GRIK4: variants seen among roughly 807,000 people sequenced by gnomAD.
GRIK4 encodes glutamate receptor ionotropic, kainate 4.
GRIK4 carries 40 observed loss-of-function variants against 104.9 expected under a neutral mutation model. The ratio of observed to expected loss-of-function variants is 0.38; its 90% confidence interval spans 0.30 to 0.50. GRIK4 has a LOEUF of 0.50. GRIK4 is among the 20% of genes least tolerant of loss of function. The pLI is 0.93. For missense variants in GRIK4, 1,047 were observed against 1,308.1 expected, an observed-to-expected ratio of 0.80 and a Z score of 3.08; for synonymous variants, 485 against 524.9, an observed-to-expected ratio of 0.92 and a Z score of 1.04.
chr11:120,661,309 T>C (rs1364895255), intron 3 of GRIK4, among the ~76,000 whole-genome samples: 4 of 151,986 alleles, frequency 2.6e-5, no homozygotes, highest in African/African-American at 7.3e-5. Context: ...GAAAGGTAGG[T>C]TGATGGCCAC....
rs150199548 is a variant in GRIK4 at position 120,660,325 on chromosome 11, C to T, written c.7C>T (p.Arg3Cys). 56 of 1,612,452 alleles carry T rather than the reference C, an allele frequency of 3.5e-5. No homozygotes were observed. The highest frequency in any genetic ancestry group is 1.2e-4 in the Admixed American group (7 of 60,026). MP[R>C]VSAPLVLLPA... Reference sequence around the variant, plus strand: ...CCATGAGGATTCATAGAAGATGCCCCGCGTCTCGGCGCCTTTGGTGCTGCT... The same window carrying T: ...CCATGAGGATTCATAGAAGATGCCCTGCGTCTCGGCGCCTTTGGTGCTGCT... The change falls in exon 3 of 21, where the codon CGC (arginine) becomes TGC (cysteine). Residue 3 changes from arginine (R) to cysteine (C), a missense_variant. By Grantham distance (180) the Arg-to-Cys change is radical. Around this residue, in one of 3 missense-constraint regions of GRIK4, gnomAD observed 447 missense variants for 514.9 expected, o/e 0.87. Coordinates refer to ENST00000527524, the MANE Select transcript of GRIK4 (RefSeq NM_014619.5).
intron 8 of GRIK4, among the ~76,000 whole-genome samples, chr11:120,851,104 G>C (rs1953962932): frequency 6.6e-6 from 1 of 152,102 alleles, no homozygotes; most frequent in African/African-American, 2.4e-5. Flanking sequence ...TCTTGGCCAA[G>C]AGTTGAGATA....
chr11:120,966,751 T>C lies in GRIK4; in HGVS notation c.2267-444T>C, dbSNP rs12275983. On this transcript the variant is annotated intron_variant, in intron 18 of 20. Coordinates refer to ENST00000527524, the MANE Select transcript of GRIK4 (RefSeq NM_014619.5). ...GTGTCACAGAAACACAAACTTTGGC[T>C]TCCTGGAGGTGGATGGGATGCTTTG... Among the ~76,000 whole-genome samples the C allele has an allele frequency of 6.4e-3, 974 of 152,300 alleles. 8 individuals are homozygous for C. Among genetic ancestry groups the C allele is most frequent in the African/African-American group, 0.022 (928 of 41,564 alleles).
At chr11:120,557,646 A>G (rs1275658343) in intron 1 of GRIK4, among the ~76,000 whole-genome samples, 4 of 152,184 alleles carry the variant, frequency 2.6e-5, no homozygotes, top group Admixed American at 2.6e-4. Flanking sequence ...TCTCGTCTGA[A>G]TCTGGAAGGG....
Position 120,910,913 on chromosome 11 carries a change from A to G in GRIK4, c.1476+5420A>G, listed in dbSNP as rs140334673. Among the ~76,000 whole-genome samples, 380 of 152,358 alleles carry G rather than the reference A, an allele frequency of 2.5e-3. 2 individuals carry two copies. Among genetic ancestry groups the G allele is most frequent in the African/African-American group, 8.4e-3 (349 of 41,584 alleles). ...AAGGATGAAGAGACATTGGCCATCA[A>G]AGAAGAGACACGGAGAGAGAAGAAC... On this transcript the variant is annotated intron_variant, in intron 13 of 20. Coordinates refer to ENST00000527524, the MANE Select transcript of GRIK4 (RefSeq NM_014619.5).
At chr11:120,778,791 T>A (rs1296410042) in intron 3 of GRIK4, among the ~76,000 whole-genome samples, 1 of 152,240 alleles carries the variant, frequency 6.6e-6, no homozygotes, top group Admixed American at 6.5e-5. Context: ...CAGCTCTTTC[T>A]GCATTCTTAG....
chr11:120,848,602 C>G (rs1040032471), intron 8 of GRIK4, among the ~76,000 whole-genome samples: 44 of 152,234 alleles, frequency 2.9e-4, no homozygotes, highest in African/African-American at 9.9e-4. Flanking sequence ...TATTTGGGTC[C>G]CTTCATCTGC....
chr11:120,672,613 A>G (rs752519058), intron 3 of GRIK4, among the ~76,000 whole-genome samples: 1 of 152,120 alleles, frequency 6.6e-6, no homozygotes, highest in Non-Finnish European at 1.5e-5. Flanking sequence ...CTTGAGCAGC[A>G]GTTTGTAGTT....
intron 4 of GRIK4, among the ~76,000 whole-genome samples, chr11:120,815,001 G>A (rs1161947099): frequency 6.6e-6 from 1 of 152,218 alleles, no homozygotes; most frequent in Non-Finnish European, 1.5e-5. Flanking sequence ...TGCAGCAGCT[G>A]TGCTGGGGCT....
At chr11:120,571,353 T>C (rs904525150) in intron 1 of GRIK4, among the ~76,000 whole-genome samples, 15 of 152,146 alleles carry the variant, frequency 9.9e-5, no homozygotes, top group Non-Finnish European at 1.9e-4. Flanking sequence ...CTCTGGCTGG[T>C]TGCCTTCCAC....
chr11:120,820,055 G>C, intron 6 of GRIK4, 135 bp downstream of exon 6: 1 of 757,668 alleles, frequency 1.3e-6, no homozygotes. Flanking sequence ...TAACCAATGG[G>C]TTTGGGCATT....
intron 1 of GRIK4, among the ~76,000 whole-genome samples, chr11:120,593,639 A>G (rs1364947208): frequency 6.6e-6 from 1 of 151,952 alleles, no homozygotes; most frequent in African/African-American, 2.4e-5. Flanking sequence ...ACCTATTGCC[A>G]CACTTTCAAT....
chr11:120,970,904 A>G (rs1196680392), intron 19 of GRIK4, among the ~76,000 whole-genome samples: 1 of 152,074 alleles, frequency 6.6e-6, no homozygotes, highest in Non-Finnish European at 1.5e-5. Flanking sequence ...GGTCAAATGG[A>G]CTTCACTCCA....
intron 3 of GRIK4, among the ~76,000 whole-genome samples, chr11:120,761,831 A>G (rs1415613392): frequency 6.6e-6 from 1 of 152,208 alleles, no homozygotes; most frequent in East Asian, 1.9e-4. Flanking sequence ...TACCAGTACC[A>G]TGCTATTTTG....
chr11:120,516,758 CTT>C (rs1169148413), intron 1 of GRIK4, among the ~76,000 whole-genome samples: 1 of 152,082 alleles, frequency 6.6e-6, no homozygotes, highest in Non-Finnish European at 1.5e-5. Flanking sequence ...TCAGAGATAA[CTT>C]TGAGATTTCC....
chr11:120,693,255 C>T (rs1950394752), intron 3 of GRIK4, among the ~76,000 whole-genome samples: 1 of 151,794 alleles, frequency 6.6e-6, no homozygotes, highest in South Asian at 2.1e-4. Context: ...TAGGCATGCA[C>T]CACCATGCCT....
chr11:120,867,274 G>C (rs545765652), intron 9 of GRIK4, among the ~76,000 whole-genome samples: 1 of 152,120 alleles, frequency 6.6e-6, no homozygotes, highest in African/African-American at 2.4e-5. Flanking sequence ...CTGTCTCTTT[G>C]GGGGCTGAGA....
chr11:120,946,646 C>T (rs776700692), intron 14 of GRIK4, among the ~76,000 whole-genome samples: 8 of 152,142 alleles, frequency 5.3e-5, no homozygotes, highest in East Asian at 1.9e-4. Context: ...TCTGGTTTAA[C>T]GGAACAGTGC....
intron 1 of GRIK4, among the ~76,000 whole-genome samples, chr11:120,582,659 C>T (rs976615383): frequency 6.6e-6 from 1 of 152,164 alleles, no homozygotes; most frequent in African/African-American, 2.4e-5. Flanking sequence ...GCCTCCAGCT[C>T]CATCCATGTT....
Sources: allele counts gnomAD v4.1 joint callset (sites outside exome capture counted in the v4.1 genomes callset), GRCh38; gene constraint gnomAD v4.1.1; regional missense constraint gnomAD v4.1.1; transcripts MANE v1.5; gene names NCBI Gene and HGNC (gene_info 2026-07-23, HGNC 2026-07-21).